SNTG1: variants seen among roughly 807,000 people sequenced by gnomAD.
SNTG1 encodes gamma-1-syntrophin.
Under a neutral mutation model 74.7 loss-of-function variants are expected in SNTG1, and 39 were observed. The observed-to-expected ratio is 0.52, with a 90% CI of 0.40 to 0.68. The LOEUF (loss-of-function observed/expected upper bound fraction) is 0.68, where lower values mean the gene tolerates loss of function less well. Ranked by LOEUF, SNTG1 falls within the 30% of genes least tolerant of loss-of-function variation. The pLI is 0.00. For synonymous variants in SNTG1, 254 were observed against 217.1 expected, an observed-to-expected ratio of 1.17 and a Z score of -1.49; for missense variants, 685 against 609.5, an observed-to-expected ratio of 1.12 and a Z score of -1.30.
intron 15 of SNTG1, among the ~76,000 whole-genome samples, chr8:50,658,894 G>A (rs1005724054): frequency 1.1e-4 from 17 of 152,200 alleles, no homozygotes; most frequent in Non-Finnish European, 2.1e-4. Context: ...AGACTCTGCA[G>A]TCCCACCGTG....
chr8:50,051,785 C>T (rs914137479), intron 1 of SNTG1, among the ~76,000 whole-genome samples: 56 of 151,980 alleles, frequency 3.7e-4, no homozygotes, highest in African/African-American at 1.3e-3. Context: ...AGGAAGTGAC[C>T]CTACCTTTAA....
At chr8:50,419,320 A>G (rs1018403454) in intron 4 of SNTG1, among the ~76,000 whole-genome samples, 3 of 152,222 alleles carry the variant, frequency 2.0e-5, no homozygotes, top group African/African-American at 7.2e-5. Flanking sequence ...GCAATGGCCA[A>G]GTGGAAAACT....
At chr8:50,257,142 A>G (rs1445740003) in intron 2 of SNTG1, among the ~76,000 whole-genome samples, 1 of 152,102 alleles carries the variant, frequency 6.6e-6, no homozygotes, top group Non-Finnish European at 1.5e-5. Context: ...CTTGTGCAGC[A>G]GGAGCTCTTT....
At chr8:50,558,370 C>T (rs938909614) in intron 12 of SNTG1, among the ~76,000 whole-genome samples, 1 of 152,126 alleles carries the variant, frequency 6.6e-6, no homozygotes, top group African/African-American at 2.4e-5. Flanking sequence ...GCAAGACATG[C>T]TCTCTCAGAG....
At chr8:49,910,692 C>T (rs750822582), upstream of SNTG1, among the ~76,000 whole-genome samples, 1 of 152,004 alleles carries the variant, frequency 6.6e-6, no homozygotes, top group Non-Finnish European at 1.5e-5. Context: ...CCCGGGAGAG[C>T]GCGGATTCCG....
intron 12 of SNTG1, among the ~76,000 whole-genome samples, chr8:50,558,789 A>G (rs139464391): frequency 5.3e-4 from 80 of 152,294 alleles, no homozygotes; most frequent in African/African-American, 1.9e-3. Flanking sequence ...AAGTCCTGAT[A>G]AAATAAATTT....
At position 50,704,725 on chromosome 8, in the gene SNTG1, A is replaced by G; in HGVS notation, c.1164A>G (p.Ala388=). ...LAQWERAFQT[A]TFLEVERIQC... ...AGTGGGAAAGAGCCTTCCAGACAGC[A>G]ACCTTTCTAGAAGTAGAACGGATAC... The change falls in exon 16 of 19, where the codon GCA becomes GCG. Residue 388 remains alanine (A), a synonymous_variant. Transcript: ENST00000642720. 2.5e-6 allele frequency: 4 copies of G among 1,614,118 alleles called. No homozygotes were observed. The highest frequency in any genetic ancestry group is 2.2e-5 in the East Asian group (1 of 44,852).
intron 1 of SNTG1, among the ~76,000 whole-genome samples, chr8:49,925,952 C>G (rs1010744754): frequency 6.6e-6 from 1 of 152,134 alleles, no homozygotes; most frequent in African/African-American, 2.4e-5. Context: ...TATGAGCACA[C>G]TTGATCACTT....
intron 8 of SNTG1, among the ~76,000 whole-genome samples, chr8:50,464,255 T>C (rs759410352): frequency 1.3e-5 from 2 of 152,186 alleles, no homozygotes; most frequent in Non-Finnish European, 2.9e-5. Context: ...TTTCCTTCAA[T>C]AACTTTTCTT....
At chr8:50,278,554 T>C (rs919287970) in intron 2 of SNTG1, among the ~76,000 whole-genome samples, 5 of 152,194 alleles carry the variant, frequency 3.3e-5, no homozygotes, top group African/African-American at 9.6e-5. Context: ...GTTAAATGTT[T>C]AGGCTGTTAT....
intron 1 of SNTG1, among the ~76,000 whole-genome samples, chr8:50,032,148 C>A (rs1817790729): frequency 6.6e-6 from 1 of 151,822 alleles, no homozygotes; most frequent in South Asian, 2.1e-4. Context: ...TCCTTCATTT[C>A]TATTTTTTAG....
At chr8:50,082,201 A>C (rs985057651) in intron 1 of SNTG1, among the ~76,000 whole-genome samples, 13 of 152,156 alleles carry the variant, frequency 8.5e-5, no homozygotes, top group African/African-American at 2.6e-4. Context: ...GATTTTCTTT[A>C]GTTATTTGAA....
intron 1 of SNTG1, among the ~76,000 whole-genome samples, chr8:50,123,833 TAA>T (rs1179855171): frequency 7.0e-6 from 1 of 142,474 alleles, no homozygotes; most frequent in Non-Finnish European, 1.6e-5. Flanking sequence ...TTTGCTTTCT[TAA>T]GTGATGTGCC....
Position 50,375,670 on chromosome 8 carries a change from T to A in SNTG1, c.-27-18542T>A, listed in dbSNP as rs188307112. 1.1e-4 allele frequency among the ~76,000 whole-genome samples: 17 copies of A among 152,318 alleles called. No homozygotes were observed. The East Asian group carries it at 3.3e-3, about 29-fold the overall frequency. Reference sequence around the variant, plus strand: ...TAAGATAAGTCACAAAATCCTCTGATAATACGATGAACATTTGGAATTTTA... The same window carrying A: ...TAAGATAAGTCACAAAATCCTCTGAAAATACGATGAACATTTGGAATTTTA... On this transcript the variant is annotated intron_variant, in intron 2 of 18. Coordinates refer to ENST00000642720, the MANE Select transcript of SNTG1 (RefSeq NM_018967.5).
At chr8:50,013,945 T>A (rs1816066673) in intron 1 of SNTG1, among the ~76,000 whole-genome samples, 1 of 152,158 alleles carries the variant, frequency 6.6e-6, no homozygotes, top group Non-Finnish European at 1.5e-5. Context: ...TCAATGTTAA[T>A]GTGAAACATC....
chr8:50,779,516 G>T (rs1262854975), intron 18 of SNTG1, among the ~76,000 whole-genome samples: 1 of 152,094 alleles, frequency 6.6e-6, no homozygotes, highest in Non-Finnish European at 1.5e-5. Context: ...TCTTTTATTG[G>T]TGTATAAGAA....
intron 2 of SNTG1, among the ~76,000 whole-genome samples, chr8:50,241,677 A>G (rs1218169376): frequency 6.6e-6 from 1 of 152,204 alleles, no homozygotes; most frequent in Non-Finnish European, 1.5e-5. Flanking sequence ...TGATGTCTCA[A>G]TGTGAAGAGG....
At chr8:50,007,705 G>A (rs7845651) in intron 1 of SNTG1, among the ~76,000 whole-genome samples, 5,250 of 152,160 alleles carry the variant, frequency 0.035, 225 homozygotes, top group South Asian at 0.13. Flanking sequence ...AGGGTGGGGA[G>A]ATTTCTTTGA....
At chr8:50,283,631 T>C (rs977637463) in intron 2 of SNTG1, among the ~76,000 whole-genome samples, 2 of 152,178 alleles carry the variant, frequency 1.3e-5, no homozygotes, top group Admixed American at 6.5e-5. Flanking sequence ...TATTTACTTT[T>C]AAAAGTTTCT....
Sources: allele counts gnomAD v4.1 joint callset (sites outside exome capture counted in the v4.1 genomes callset), GRCh38; gene constraint gnomAD v4.1.1; transcripts MANE v1.5; gene names NCBI Gene and HGNC (gene_info 2026-07-23, HGNC 2026-07-21).